The following DCDC1 variants were observed in gnomAD, a reference collection of about 807,000 sequenced individuals.
The protein encoded by DCDC1 is doublecortin domain containing 1, also known as doublecortin domain-containing protein 1.
DCDC1 carries 200 observed loss-of-function variants against 178.3 expected under a neutral mutation model. That is an observed-to-expected ratio of 1.12 (90% confidence interval 1.00 to 1.26). The LOEUF is 1.26. Ranked by LOEUF, DCDC1 falls within the 50% of genes most tolerant of loss-of-function variation. The probability of loss-of-function intolerance (pLI) is 0.00; values close to 1 mark genes in which losing one functional copy is unlikely to be tolerated. For synonymous variants in DCDC1, 690 were observed against 604.8 expected, an observed-to-expected ratio of 1.14 and a Z score of -2.07; for missense variants, 1,983 against 1,749.2, an observed-to-expected ratio of 1.13 and a Z score of -2.38.
chr11:31,341,845 A>ACACACACACACC, intron 1 of DCDC1, among the ~76,000 whole-genome samples: 1 of 149,936 alleles, frequency 6.7e-6, no homozygotes, highest in African/African-American at 2.5e-5. Context: ...ACACACACAC[A>ACACACACACACC]TTTTTTTTGG....
intron 20 of DCDC1, among the ~76,000 whole-genome samples, chr11:31,004,228 G>A (rs981920166): frequency 6.6e-6 from 1 of 152,080 alleles, no homozygotes; most frequent in Non-Finnish European, 1.5e-5. Context: ...TTTGCCAAAA[G>A]TATTTTATTG....
chr11:31,085,716 T>C (rs1047995851), intron 17 of DCDC1, among the ~76,000 whole-genome samples: 1 of 151,958 alleles, frequency 6.6e-6, no homozygotes, highest in Middle Eastern at 3.2e-3. Flanking sequence ...GATTGATTGA[T>C]TGATTGATTG....
chr11:30,977,915 C>G (rs290095), intron 20 of DCDC1, among the ~76,000 whole-genome samples: 89,634 of 152,002 alleles, frequency 0.59, 27,074 homozygotes, highest in African/African-American at 0.69. Context: ...GGGTGACAGA[C>G]CGAGACCCTG....
At chr11:31,137,870 T>C in intron 9 of DCDC1, 86 bp from the exon 10 acceptor site, 2 of 597,644 alleles carry the variant, frequency 3.3e-6, no homozygotes, top group South Asian at 4.1e-5. Flanking sequence ...TTAAGCATAA[T>C]CATGAATGTG....
intron 9 of DCDC1, among the ~76,000 whole-genome samples, chr11:31,141,615 T>C (rs1963839421): frequency 6.6e-6 from 1 of 152,206 alleles, no homozygotes; most frequent in African/African-American, 2.4e-5. Flanking sequence ...TACATGCAGA[T>C]CAATATAGGT....
intron 14 of DCDC1, 97 bp downstream of exon 14, chr11:31,103,547 T>C: frequency 1.7e-6 from 1 of 589,890 alleles, no homozygotes; most frequent in Non-Finnish European, 3.0e-6. Flanking sequence ...TGAAAGAGCA[T>C]CTTTTAGTGT....
chr11:31,339,555 A>G (rs1214826875), intron 1 of DCDC1, among the ~76,000 whole-genome samples: 2 of 152,130 alleles, frequency 1.3e-5, no homozygotes, highest in African/African-American at 2.4e-5. Context: ...TTAACTCTCC[A>G]ATAATATTAT....
At chr11:31,248,055 TTTAAAGTTCCATACAAAAAC>T (rs1022901261) in intron 8 of DCDC1, among the ~76,000 whole-genome samples, 1 of 152,106 alleles carries the variant, frequency 6.6e-6, no homozygotes, top group Non-Finnish European at 1.5e-5. Flanking sequence ...TATTGTAAAC[TTTAAAGTTCCATACAAAAAC>T]TTAAAGTATT....
intron 1 of DCDC1, among the ~76,000 whole-genome samples, chr11:31,365,931 G>A (rs556315596): frequency 2.0e-5 from 3 of 151,984 alleles, no homozygotes; most frequent in Admixed American, 2.0e-4. Context: ...TGCTCTCTTT[G>A]GAAATTCCTA....
chr11:31,084,337 T>A (rs1005817749), intron 17 of DCDC1, among the ~76,000 whole-genome samples: 4 of 152,086 alleles, frequency 2.6e-5, no homozygotes, highest in African/African-American at 7.2e-5. Flanking sequence ...GAAATTGCTG[T>A]CACATGAAGA....
At chr11:30,889,965 T>G (rs1943631477) in intron 36 of DCDC1, among the ~76,000 whole-genome samples, 1 of 152,176 alleles carries the variant, frequency 6.6e-6, no homozygotes, top group Non-Finnish European at 1.5e-5. Flanking sequence ...TGGAGCCCTA[T>G]TCCAGTGGGA....
At chr11:30,916,627 G>C (rs1945853365) in intron 26 of DCDC1, among the ~76,000 whole-genome samples, 1 of 152,040 alleles carries the variant, frequency 6.6e-6, no homozygotes, top group East Asian at 1.9e-4. Flanking sequence ...TAAGCATACT[G>C]TTTAATAGAA....
chr11:31,095,974 T>A (rs1458563066), intron 15 of DCDC1, among the ~76,000 whole-genome samples: 1 of 152,190 alleles, frequency 6.6e-6, no homozygotes, highest in Non-Finnish European at 1.5e-5. Context: ...CACTAAAACA[T>A]CCATTCTACA....
At chr11:31,340,164 T>C (rs990110368) in intron 1 of DCDC1, among the ~76,000 whole-genome samples, 12 of 152,190 alleles carry the variant, frequency 7.9e-5, no homozygotes, top group Admixed American at 1.3e-4. Context: ...CGGGGCCTTT[T>C]TGCATTTTTA....
Position 30,891,369 on chromosome 11 carries a change from T to C in DCDC1, c.5082+1449A>G, listed in dbSNP as rs117448376. 6.7e-3 allele frequency among the ~76,000 whole-genome samples: 1,020 copies of C among 152,256 alleles called. 3 individuals are homozygous for C. The highest frequency in any genetic ancestry group is 0.024 in the Middle Eastern group (7 of 294). The stretch of plus-strand genomic sequence containing the variant: ...ATATGCTACACCAGAGTCACATAAA[T>C]CAAAAAGTCATCCCCCAGTTAGATA... On this transcript the variant is annotated intron_variant, in intron 36 of 38. Transcript: ENST00000684477.
At chr11:31,081,610 CAAAAAAAAAA>C (rs760140631) in intron 17 of DCDC1, among the ~76,000 whole-genome samples, 3 of 140,294 alleles carry the variant, frequency 2.1e-5, no homozygotes, top group Non-Finnish European at 4.7e-5. Flanking sequence ...AACTCCATCT[CAAAAAAAAAA>C]GAAAAGAAAA....
chr11:31,293,223 A>C lies in DCDC1; in HGVS notation c.755-2371T>G, dbSNP rs139410003. On this transcript the variant is annotated intron_variant, in intron 6 of 38. Coordinates refer to ENST00000684477, the MANE Select transcript of DCDC1 (RefSeq NM_001387274.1). Reference sequence around the variant, plus strand: ...GAGTATATTAATTGTTACATCAGTCAGGGTCCAATCAGGAATACAGAATCT... The same window carrying C: ...GAGTATATTAATTGTTACATCAGTCCGGGTCCAATCAGGAATACAGAATCT... Among the ~76,000 whole-genome samples the C allele has an allele frequency of 8.1e-4, 123 of 152,340 alleles. 1 individual carries two copies. The highest frequency in any genetic ancestry group is 1.6e-3 in the Non-Finnish European group (108 of 68,028).
intron 9 of DCDC1, chr11:31,215,121 T>C: frequency 4.0e-6 from 1 of 249,394 alleles, no homozygotes; most frequent in Non-Finnish European, 8.1e-6. Flanking sequence ...AATTCAAACA[T>C]GTGTGAACAA....
chr11:30,869,159 AG>A (rs1941300720), intron 38 of DCDC1, among the ~76,000 whole-genome samples: 1 of 152,224 alleles, frequency 6.6e-6, no homozygotes, highest in Non-Finnish European at 1.5e-5. Flanking sequence ...GTGTTTTGAA[AG>A]GTACAGTTGG....
Sources: gnomAD v4.1 joint callset for allele counts (sites outside exome capture counted in the v4.1 genomes callset) on GRCh38, gnomAD v4.1.1 for gene constraint, MANE v1.5 for transcripts, NCBI Gene and HGNC (gene_info 2026-07-23, HGNC 2026-07-21) for gene names.